The following LCA5L variants were observed in gnomAD, a reference collection of about 807,000 sequenced individuals.
LCA5L encodes the protein lebercilin-like protein.
LCA5L carries 35 observed loss-of-function variants against 45.4 expected under a neutral mutation model. The ratio of observed to expected loss-of-function variants is 0.77; its 90% confidence interval spans 0.59 to 1.02. The LOEUF (loss-of-function observed/expected upper bound fraction) is 1.02, where lower values mean the gene tolerates loss of function less well. Ranked by LOEUF, LCA5L falls within the 50% of genes least tolerant of loss-of-function variation. LCA5L has a pLI of 0.00. For missense variants in LCA5L, 668 were observed against 761.6 expected (o/e 0.88, Z 1.45); for synonymous variants, 233 against 264.7 (o/e 0.88, Z 1.16).
At chr21:39,418,425 G>T (rs1007666579) in intron 7 of LCA5L, among the ~76,000 whole-genome samples, 3 of 152,006 alleles carry the variant, frequency 2.0e-5, no homozygotes, top group Non-Finnish European at 4.4e-5. Context: ...ACTGTATATA[G>T]AATTTTCTAT....
chr21:39,444,252 G>A (rs548772680), intron 1 of LCA5L, 51 bp from the exon 2 acceptor site: 1 of 152,242 alleles, frequency 6.6e-6, no homozygotes, highest in African/African-American at 2.4e-5. Flanking sequence ...TCCTGTCTTT[G>A]CGCTGGGAAG....
In LCA5L at chr21:39,410,311, T is replaced by C. The variant is rs775425728; in HGVS notation, c.1117A>G (p.Arg373Gly). Reference sequence around the variant, plus strand: ...TCTGATTTTTGGGTTCCCTGGTGTCTCATACTTGTGAATGGCAAAATTTTT... The same window carrying C: ...TCTGATTTTTGGGTTCCCTGGTGTCCCATACTTGTGAATGGCAAAATTTTT... ...DRKILPFTSM[R>G]HQGTQKSDVP... The change falls in exon 9 of 11, where the codon AGA becomes GGA. Residue 373 changes from arginine (R) to glycine (G), a missense_variant. Transcript: ENST00000288350. 1 of 1,611,452 alleles carries C rather than the reference T, an allele frequency of 6.2e-7. No homozygotes were observed. The highest frequency in any genetic ancestry group is 8.5e-7 in the Non-Finnish European group (1 of 1,179,168).
intron 7 of LCA5L, among the ~76,000 whole-genome samples, chr21:39,416,743 C>T (rs2147407382): frequency 6.6e-6 from 1 of 152,208 alleles, no homozygotes; most frequent in East Asian, 1.9e-4. Flanking sequence ...ATAAGATACA[C>T]ACAACATTCT....
At chr21:39,420,940 T>G (rs1367239623) in intron 6 of LCA5L, 97 bp from the exon 7 acceptor site, 14 of 911,890 alleles carry the variant, frequency 1.5e-5, no homozygotes, top group Non-Finnish European at 2.0e-5. Context: ...AAAGTGCACA[T>G]TTTCAATACA....
chr21:39,409,178 C>T lies in LCA5L; in HGVS notation c.1282+801G>A, dbSNP rs1427890104. 6.6e-6 allele frequency among the ~76,000 whole-genome samples: 1 copy of T among 152,130 alleles called. No homozygotes were observed. The highest frequency in any genetic ancestry group is 1.5e-5 in the Non-Finnish European group (1 of 68,030). The stretch of plus-strand genomic sequence containing the variant: ...CACTGGTGCTCTCTCCCCGACTCTC[C>T]TCGTGCGAGCACTAAGGAAACGCCA... On this transcript the variant is annotated intron_variant, in intron 10 of 10. Transcript: ENST00000288350. The surrounding 1 kb of genome is among the most constrained non-coding windows in gnomAD (Gnocchi z 4.2).
At chr21:39,424,683 A>G (rs755370670) in intron 5 of LCA5L, among the ~76,000 whole-genome samples, 3 of 152,224 alleles carry the variant, frequency 2.0e-5, no homozygotes, top group Non-Finnish European at 2.9e-5. Context: ...ATCAAATTGC[A>G]TAAGAGTCTA....
intron 7 of LCA5L, among the ~76,000 whole-genome samples, chr21:39,416,680 C>T (rs551801686): frequency 3.6e-4 from 54 of 152,076 alleles, no homozygotes; most frequent in African/African-American, 1.2e-3. Flanking sequence ...TTGTCCATCC[C>T]CCAAATCCCA....
chr21:39,410,308 G>T lies in LCA5L; in HGVS notation c.1120C>A (p.His374Asn). Residue 374 changes from histidine (H) to asparagine (N), a missense_variant, in exon 9 of 11, where the codon CAC (histidine) becomes AAC (asparagine). Physicochemically the swap from His to Asn is moderately conservative, Grantham distance 68 (BLOSUM62 1). Coordinates refer to ENST00000288350, the MANE Select transcript of LCA5L (RefSeq NM_152505.4). ...ACATCTGATTTTTGGGTTCCCTGGT[G>T]TCTCATACTTGTGAATGGCAAAATT... is the stretch of plus-strand genomic sequence containing the variant. ...RKILPFTSMR[H>N]QGTQKSDVPP... 6.2e-7 allele frequency: 1 copy of T among 1,611,068 alleles called. No homozygotes were observed. Among genetic ancestry groups the T allele is most frequent in the East Asian group, 2.2e-5 (1 of 44,778 alleles).
At position 39,428,270 on chromosome 21, in the gene LCA5L, C is replaced by A; in HGVS notation, c.224G>T (p.Cys75Phe). 1.2e-6 allele frequency: 2 copies of A among 1,608,392 alleles called. 1 individual carries two copies. The highest frequency in any genetic ancestry group is 3.3e-4 in the Middle Eastern group (2 of 6,054). ...ATTTCTATTAATAGCCTTTTCTGAA[C>A]AATCACAGAGAAAGTCTTCTGAATA... is the stretch of plus-strand genomic sequence containing the variant. ...YDYSEDFLCD[C>F]SEKAINRNYL... The change falls in exon 5 of 11, where the codon TGT (cysteine) becomes TTT (phenylalanine). Residue 75 changes from cysteine (C) to phenylalanine (F), a missense_variant. By Grantham distance (205) the Cys-to-Phe change is radical. Coordinates refer to ENST00000288350, the MANE Select transcript of LCA5L (RefSeq NM_152505.4).
intron 2 of LCA5L, 195 bp downstream of exon 2, chr21:39,443,940 A>G (rs565300790): frequency 1.3e-5 from 2 of 151,786 alleles, no homozygotes; most frequent in African/African-American, 4.8e-5. Flanking sequence ...CCGAGGCAGG[A>G]GAATTGCTTG....
At position 39,410,231 on chromosome 21, in the gene LCA5L, A is replaced by G. The variant is rs562331010; in HGVS notation, c.1164+33T>C. The G allele has an allele frequency of 2.9e-6, 4 of 1,363,832 alleles. No homozygotes were observed. The South Asian group carries it at 4.8e-5, about 16-fold the overall frequency. 84.5% of individuals were successfully genotyped at this position (1,363,832 alleles called of 1,614,324 possible). A position where few individuals can be genotyped will look rare whatever the true frequency, so the allele number is the denominator to read the frequency against. ...GCCTATTTTTGTTAAGACATGTTTA[A>G]TCAGACACTGCAAGATTCCAAATTT... On this transcript the variant is annotated intron_variant, in intron 9 of 10. Coordinates refer to ENST00000288350, the MANE Select transcript of LCA5L (RefSeq NM_152505.4).
At chr21:39,418,719 C>T (rs2041748309) in intron 7 of LCA5L, among the ~76,000 whole-genome samples, 1 of 152,044 alleles carries the variant, frequency 6.6e-6, no homozygotes, top group African/African-American at 2.4e-5. Context: ...AGGCTGGTCT[C>T]GAACTCCCAA....
chr21:39,441,692 T>G (rs1280456504), intron 2 of LCA5L, among the ~76,000 whole-genome samples: 1 of 152,200 alleles, frequency 6.6e-6, no homozygotes, highest in Non-Finnish European at 1.5e-5. Flanking sequence ...GCCTCTCTAC[T>G]TCCACCAAGT....
chr21:39,442,470 C>T (rs2076966246), intron 2 of LCA5L, among the ~76,000 whole-genome samples: 1 of 152,110 alleles, frequency 6.6e-6, no homozygotes, highest in Admixed American at 6.5e-5. Flanking sequence ...ACTCTGGCTG[C>T]AGGGTGAAGA....
At chr21:39,438,200 C>T (rs1340913868) in intron 2 of LCA5L, among the ~76,000 whole-genome samples, 2 of 152,048 alleles carry the variant, frequency 1.3e-5, no homozygotes, top group African/African-American at 4.8e-5. Context: ...AACAGAAACA[C>T]AAACAAATAC....
chr21:39,428,460 C>T lies in LCA5L; in HGVS notation c.34G>A (p.Asp12Asn), dbSNP rs1229730526. 1.2e-6 allele frequency: 2 copies of T among 1,608,702 alleles called. No homozygotes were observed. The highest frequency in any genetic ancestry group is 1.3e-5 in the African/African-American group (1 of 74,386). The change falls in exon 5 of 11, where the codon GAT becomes AAT. Residue 12 changes from aspartate to asparagine, a missense_variant. Coordinates refer to ENST00000288350, the MANE Select transcript of LCA5L (RefSeq NM_152505.4). ...AATGCCACGCCGAAGAAATGCTCAT[C>T]TATATTTGTTTTTGTTAGATCAGCC... ...SLADLTKTNIDEHFFGVALEN... is the reference protein window; with the variant it reads ...SLADLTKTNINEHFFGVALEN...
At chr21:39,444,016 T>A (rs2077141709) in intron 2 of LCA5L, 119 bp downstream of exon 2, 1 of 144,220 alleles carries the variant, frequency 6.9e-6, no homozygotes, top group Admixed American at 6.9e-5. Context: ...GCCGACAGAG[T>A]AAGGCTCTGT....
At chr21:39,411,579 A>G in intron 8 of LCA5L, 139 bp downstream of exon 8, 1 of 471,578 alleles carries the variant, frequency 2.1e-6, no homozygotes, top group East Asian at 3.3e-5. Flanking sequence ...CAGTCTCGTT[A>G]TTCTTCTAGA....
At chr21:39,436,929 C>G (rs537568932) in intron 2 of LCA5L, among the ~76,000 whole-genome samples, 1 of 152,248 alleles carries the variant, frequency 6.6e-6, no homozygotes. Flanking sequence ...ACTATCTAAC[C>G]TAACACCCAT....
Sources: gnomAD v4.1 joint callset for allele counts (sites outside exome capture counted in the v4.1 genomes callset) on GRCh38, gnomAD v4.1.1 for gene constraint, Gnocchi (gnomAD v3.1) non-coding constraint, MANE v1.5 for transcripts, NCBI Gene and HGNC (gene_info 2026-07-23, HGNC 2026-07-21) for gene names.